PCDHA3: variants seen among roughly 807,000 people sequenced by gnomAD.
PCDHA3 encodes protocadherin alpha 3.
Under a neutral mutation model 62.2 loss-of-function variants are expected in PCDHA3, and 41 were observed. That is an observed-to-expected ratio of 0.66 (90% CI 0.51 to 0.86). The LOEUF is 0.86. PCDHA3 is among the 40% of genes least tolerant of loss of function. The pLI is 0.00. For synonymous variants in PCDHA3, 640 were observed against 555.4 expected, an observed-to-expected ratio of 1.15 and a Z score of -2.14; for missense variants, 1,304 against 1,241.2, an observed-to-expected ratio of 1.05 and a Z score of -0.76.
intron 3 of PCDHA3, among the ~76,000 whole-genome samples, chr5:140,990,073 GA>G (rs1319076601): frequency 2.6e-5 from 4 of 152,060 alleles, no homozygotes; most frequent in Non-Finnish European, 5.9e-5. Context: ...AAATAAGGGG[GA>G]CAAAGGATGC....
intron 1 of PCDHA3, chr5:140,821,528 A>C: frequency 4.6e-6 from 2 of 434,586 alleles, no homozygotes; most frequent in Non-Finnish European, 8.0e-6. Flanking sequence ...AAAACAAAAT[A>C]AAACACTTAC....
At chr5:140,915,626 GTCTCTCTCTCTCTC>G in intron 1 of PCDHA3, among the ~76,000 whole-genome samples, 1 of 146,536 alleles carries the variant, frequency 6.8e-6, no homozygotes, top group Non-Finnish European at 1.5e-5. Flanking sequence ...GTCTCTTTCT[GTCTCTCTCTCTCTC>G]TCTCTCTCTC....
At chr5:140,836,620 G>C (rs2150265891) in intron 1 of PCDHA3, 4 of 1,613,468 alleles carry the variant, frequency 2.5e-6, no homozygotes, top group Non-Finnish European at 3.4e-6. Context: ...AGCGCGGTGG[G>C]GAGCTGGTCA....
At chr5:141,002,923 C>A (rs1261794185) in intron 3 of PCDHA3, among the ~76,000 whole-genome samples, 2 of 152,220 alleles carry the variant, frequency 1.3e-5, no homozygotes, top group Non-Finnish European at 2.9e-5. Flanking sequence ...AAAGTGAACA[C>A]CCTCCAACAC....
At chr5:140,920,249 G>A (rs782292641) in intron 1 of PCDHA3, among the ~76,000 whole-genome samples, 15 of 152,174 alleles carry the variant, frequency 9.9e-5, no homozygotes, top group Admixed American at 3.3e-4. Context: ...ACAATACATC[G>A]CTATAATAAT....
At chr5:140,920,636 G>C (rs1477753704) in intron 1 of PCDHA3, among the ~76,000 whole-genome samples, 1 of 152,096 alleles carries the variant, frequency 6.6e-6, no homozygotes, top group Non-Finnish European at 1.5e-5. Context: ...ACAAGGTCAA[G>C]AGATTGAGAC....
At chr5:140,918,252 C>T (rs931753296) in intron 1 of PCDHA3, among the ~76,000 whole-genome samples, 1 of 152,078 alleles carries the variant, frequency 6.6e-6, no homozygotes, top group East Asian at 1.9e-4. Context: ...TATGCTGAAA[C>T]TTTGCTGGAG....
At chr5:141,006,035 G>T (rs529655038) in intron 3 of PCDHA3, among the ~76,000 whole-genome samples, 7 of 151,222 alleles carry the variant, frequency 4.6e-5, no homozygotes, top group Admixed American at 2.0e-4. Flanking sequence ...GTAAGAGGGA[G>T]ATTTGTAGAT....
intron 1 of PCDHA3, chr5:140,835,919 G>T (rs2150248357): frequency 2.5e-6 from 4 of 1,612,404 alleles, no homozygotes; most frequent in Admixed American, 3.3e-5. Context: ...CAGTGCACGC[G>T]GAGAGCGGCA....
intron 1 of PCDHA3, chr5:140,883,895 C>T: frequency 6.2e-7 from 1 of 1,613,426 alleles, no homozygotes; most frequent in Non-Finnish European, 8.5e-7. Flanking sequence ...CTCTGGCGTG[C>T]CGCCTCTGGG....
chr5:140,906,644 T>C (rs1167181721), intron 1 of PCDHA3, among the ~76,000 whole-genome samples: 3 of 152,232 alleles, frequency 2.0e-5, no homozygotes, highest in Admixed American at 6.5e-5. Flanking sequence ...CAGCAGGTAG[T>C]GGTTTTTTCC....
At chr5:140,826,341 C>G (rs2150143506) in intron 1 of PCDHA3, among the ~76,000 whole-genome samples, 21 of 152,068 alleles carry the variant, frequency 1.4e-4, no homozygotes, top group South Asian at 6.2e-4. Flanking sequence ...GAAATTGAAC[C>G]CTTTGTTTGC....
In PCDHA3 at chr5:140,857,169, C is replaced by T. The variant is rs199584063; in HGVS notation, c.2394+53578C>T. On this transcript the variant is annotated intron_variant, in intron 1 of 3. Coordinates refer to ENST00000522353, the MANE Select transcript of PCDHA3 (RefSeq NM_018906.3). ...ACCGTCATTGCCCTAATCAGCGTTTCTGACCATGATTCAGGAGCCAACGGA... is the reference window on the plus strand; with the variant it reads ...ACCGTCATTGCCCTAATCAGCGTTTTTGACCATGATTCAGGAGCCAACGGA... 2.2e-5 allele frequency: 35 copies of T among 1,598,474 alleles called. 1 individual carries two copies. The East Asian group carries it at 7.4e-4, about 34-fold the overall frequency.
chr5:140,967,490 C>G (rs1554229615), intron 1 of PCDHA3: 2 of 1,613,210 alleles, frequency 1.2e-6, no homozygotes, highest in East Asian at 2.2e-5. Context: ...GGGTACGGCA[C>G]AGATCTCTGT....
intron 1 of PCDHA3, among the ~76,000 whole-genome samples, chr5:140,903,594 A>G (rs868958257): frequency 3.3e-5 from 5 of 152,238 alleles, no homozygotes; most frequent in South Asian, 2.1e-4. Flanking sequence ...TTGGCCTGAT[A>G]AATGCTTAAT....
At chr5:140,955,008 C>T (rs1393836611) in intron 1 of PCDHA3, among the ~76,000 whole-genome samples, 2 of 152,142 alleles carry the variant, frequency 1.3e-5, no homozygotes, top group Non-Finnish European at 2.9e-5. Flanking sequence ...CCAATTCTCC[C>T]AGCACCATTT....
rs2150110579 is a variant in PCDHA3, at chr5:140,821,775, G to T, written c.2394+18184G>T. 1.1e-5 allele frequency: 18 copies of T among 1,605,896 alleles called. No individual in the cohort carries two copies. In the Admixed American group the frequency reaches 2.2e-4, roughly 20 times the overall value. On this transcript the variant is annotated intron_variant, in intron 1 of 3. Transcript: ENST00000522353. Reference sequence around the variant, plus strand: ...AAGCTCATAATTGGAACGAGATTGAGATGGTATATTCCCGGAGAGGAAGTC... The same window carrying T: ...AAGCTCATAATTGGAACGAGATTGATATGGTATATTCCCGGAGAGGAAGTC...
intron 1 of PCDHA3, chr5:140,822,819 G>C: frequency 6.2e-7 from 1 of 1,614,174 alleles, no homozygotes; most frequent in South Asian, 1.1e-5. Context: ...ATACCCCAGA[G>C]ATGGCCATAA....
chr5:140,803,813 G>T, intron 1 of PCDHA3: 1 of 696,392 alleles, frequency 1.4e-6, no homozygotes, highest in Non-Finnish European at 2.3e-6. Flanking sequence ...ATTTTGTTTT[G>T]TTATTAGGTG....
Sources: gnomAD v4.1 joint callset for allele counts (sites outside exome capture counted in the v4.1 genomes callset) on GRCh38, gnomAD v4.1.1 for gene constraint, MANE v1.5 for transcripts, NCBI Gene and HGNC (gene_info 2026-07-23, HGNC 2026-07-21) for gene names.